Variants in CSMD1 observed in about 807,000 individuals in gnomAD.
CSMD1 encodes the protein CUB and Sushi multiple domains 1, also known as CUB and sushi domain-containing protein 1.
Under a neutral mutation model 417.5 loss-of-function variants are expected in CSMD1, and 213 were observed. The observed-to-expected ratio is 0.51, with a 90% confidence interval of 0.46 to 0.57. The LOEUF is 0.57. CSMD1 is among the 20% of genes least tolerant of loss of function. The pLI, the probability that CSMD1 is intolerant of heterozygous loss-of-function variation, is 0.00. For missense variants in CSMD1, 6,923 were observed against 4,529.7 expected, an observed-to-expected ratio of 1.53 and a Z score of -15.17; for synonymous variants, 2,862 against 1,736.8, an observed-to-expected ratio of 1.65 and a Z score of -16.11.
chr8:3,955,979 G>A (rs1291459901), intron 5 of CSMD1, among the ~76,000 whole-genome samples: 1 of 152,146 alleles, frequency 6.6e-6, no homozygotes, highest in Non-Finnish European at 1.5e-5. Context: ...ATTTTTAGTA[G>A]AGTCAGGGTT....
intron 5 of CSMD1, among the ~76,000 whole-genome samples, chr8:3,836,658 A>T (rs911823097): frequency 4.6e-5 from 7 of 152,164 alleles, no homozygotes; most frequent in African/African-American, 1.7e-4. Context: ...AACATGAGAC[A>T]CGTGAGTTCC....
chr8:3,431,541 C>T (rs1814217951), intron 12 of CSMD1, among the ~76,000 whole-genome samples: 1 of 152,170 alleles, frequency 6.6e-6, no homozygotes, highest in African/African-American at 2.4e-5. Context: ...GCATGCCTCT[C>T]TTCCATCCCT....
chr8:4,482,636 T>A (rs951751588), intron 2 of CSMD1, among the ~76,000 whole-genome samples: 3 of 152,176 alleles, frequency 2.0e-5, no homozygotes, highest in East Asian at 1.9e-4. Flanking sequence ...GGATTGAATG[T>A]TATTTCTGAA....
chr8:4,462,235 A>C (rs564496433), intron 2 of CSMD1, among the ~76,000 whole-genome samples: 1 of 152,204 alleles, frequency 6.6e-6, no homozygotes, highest in Non-Finnish European at 1.5e-5. Context: ...TTAAAAAGAA[A>C]ACAATCCCTT....
chr8:4,125,985 G>A (rs539413381), intron 3 of CSMD1, among the ~76,000 whole-genome samples: 1 of 152,214 alleles, frequency 6.6e-6, no homozygotes, highest in Admixed American at 6.5e-5. Flanking sequence ...TCTAAGATCG[G>A]TGGTTGTGAT....
intron 10 of CSMD1, among the ~76,000 whole-genome samples, chr8:3,498,644 G>C (rs575769297): frequency 6.6e-6 from 1 of 152,046 alleles, no homozygotes; most frequent in Non-Finnish European, 1.5e-5. Context: ...GGGAATATTT[G>C]TCCCCTGCAT....
chr8:3,791,897 G>C (rs1799764372), intron 5 of CSMD1, among the ~76,000 whole-genome samples: 1 of 151,926 alleles, frequency 6.6e-6, no homozygotes, highest in Admixed American at 6.6e-5. Flanking sequence ...TGCAGTTTTT[G>C]GCATTGAAAG....
chr8:4,263,626 G>A (rs537662237), intron 3 of CSMD1, among the ~76,000 whole-genome samples: 7 of 152,156 alleles, frequency 4.6e-5, no homozygotes, highest in African/African-American at 1.4e-4. Context: ...TGTCAAATAG[G>A]AAACCATATC....
At chr8:4,636,819 T>G (rs1019431647) in intron 2 of CSMD1, among the ~76,000 whole-genome samples, 1 of 152,182 alleles carries the variant, frequency 6.6e-6, no homozygotes, top group Non-Finnish European at 1.5e-5. Context: ...TGAAGCCAGC[T>G]GGACTTCTTG....
At chr8:3,495,996 T>C (rs1349730110) in intron 10 of CSMD1, among the ~76,000 whole-genome samples, 2 of 152,148 alleles carry the variant, frequency 1.3e-5, no homozygotes, top group Admixed American at 1.3e-4. Context: ...GCTGCACCTG[T>C]CAACCCATCA....
chr8:3,384,394 T>G (rs1810837127), intron 18 of CSMD1, among the ~76,000 whole-genome samples: 1 of 151,900 alleles, frequency 6.6e-6, no homozygotes, highest in Non-Finnish European at 1.5e-5. Flanking sequence ...ATGGAATAAT[T>G]ATATTATAAA....
At chr8:3,000,606 T>A (rs1240360453) in intron 52 of CSMD1, among the ~76,000 whole-genome samples, 1 of 152,086 alleles carries the variant, frequency 6.6e-6, no homozygotes, top group East Asian at 1.9e-4. Flanking sequence ...AAGACAGGGA[T>A]CAGAGAATAA....
chr8:4,529,468 A>G (rs769625305), intron 2 of CSMD1, among the ~76,000 whole-genome samples: 13 of 152,234 alleles, frequency 8.5e-5, no homozygotes, highest in Non-Finnish European at 1.6e-4. Flanking sequence ...TATGCAACTC[A>G]TAAAATTTAA....
chr8:4,730,319 C>T (rs991296155), intron 1 of CSMD1, among the ~76,000 whole-genome samples: 5 of 152,034 alleles, frequency 3.3e-5, no homozygotes, highest in Admixed American at 1.3e-4. Flanking sequence ...AAATTCAGTT[C>T]AAAGAAATGT....
intron 6 of CSMD1, among the ~76,000 whole-genome samples, chr8:3,750,060 T>G (rs10780167): frequency 0.7 from 106,299 of 151,968 alleles, 38,303 homozygotes; most frequent in East Asian, 0.82. Flanking sequence ...GTTTTAAAAT[T>G]TGGAATTTCA....
chr8:3,785,983 A>G (rs375854254), intron 5 of CSMD1, among the ~76,000 whole-genome samples: 22 of 152,124 alleles, frequency 1.4e-4, no homozygotes, highest in African/African-American at 5.1e-4. Flanking sequence ...TCCCCAGGAG[A>G]CCTGAGTACT....
chr8:4,541,517 C>T (rs1325155782), intron 2 of CSMD1, among the ~76,000 whole-genome samples: 1 of 151,962 alleles, frequency 6.6e-6, no homozygotes, highest in Non-Finnish European at 1.5e-5. Flanking sequence ...GGAGGCTGAA[C>T]TGGGCCTATT....
chr8:4,308,491 G>T (rs1021702947), intron 3 of CSMD1, among the ~76,000 whole-genome samples: 1 of 152,198 alleles, frequency 6.6e-6, no homozygotes, highest in Non-Finnish European at 1.5e-5. Context: ...GTGAAACACG[G>T]CAAAAGGCCA....
At chr8:3,381,480 C>T (rs1810621730) in intron 18 of CSMD1, among the ~76,000 whole-genome samples, 1 of 152,056 alleles carries the variant, frequency 6.6e-6, no homozygotes, top group African/African-American at 2.4e-5. Flanking sequence ...AAACATCAAA[C>T]AGATTCAAGT....
Sources: allele counts gnomAD v4.1 joint callset (sites outside exome capture counted in the v4.1 genomes callset), GRCh38; gene constraint gnomAD v4.1.1; transcripts MANE v1.5; gene names NCBI Gene and HGNC (gene_info 2026-07-23, HGNC 2026-07-21).